The following TUG1 variants were observed in gnomAD, a reference collection of about 807,000 sequenced individuals.
The protein encoded by TUG1 is taurine upregulated gene 1.
intron 2 of TUG1, chr22:30,974,396 A>T (rs1306292526): frequency 6.6e-6 from 1 of 151,534 alleles, no homozygotes; most frequent in African/African-American, 2.4e-5. Flanking sequence ...TTGCTGTTTA[A>T]CCCTTTGTGT....
In TUG1 at chr22:30,969,653, C is replaced by G. The variant is rs903521733; in HGVS notation, c.297C>G (p.Ala99=). 2.0e-4 allele frequency: 30 copies of G among 152,032 alleles called. 1 individual carries two copies. In the South Asian group the frequency reaches 2.0e-3, roughly 10 times the overall value. The allele number at this position is 152,032 out of a possible 1,614,324, so 9.4% of individuals were successfully genotyped here. ...CGGGGGAGGCGGCGGCGGCAGCGGC[C>G]GCGGGATTTGGAGCGGCCGGGGAGG... Residue 99 remains alanine (A), a synonymous_variant, in exon 1 of 3, where the codon GCC becomes GCG. Transcript: ENST00000644773.
At chr22:30,976,673 C>G (rs190687024) in exon 3 of TUG1, 3 of 152,294 alleles carry the variant, frequency 2.0e-5, no homozygotes, top group East Asian at 3.9e-4. Flanking sequence ...AACTCTCAGA[C>G]CAGATCATGT....
exon 3 of TUG1, chr22:30,977,476 T>C (rs2041302420): frequency 1.3e-5 from 2 of 152,256 alleles, no homozygotes; most frequent in African/African-American, 4.8e-5. Context: ...CTGAAAGTTC[T>C]TTGGCAGATG....
At chr22:30,975,259 A>T (rs966046469) in exon 3 of TUG1, 1 of 152,230 alleles carries the variant, frequency 6.6e-6, no homozygotes, top group Non-Finnish European at 1.5e-5. Context: ...GCAGAAGCCC[A>T]GAGTAAAAGT....
At chr22:30,971,715 AAGACCTG>A (rs778203510) in exon 1 of TUG1, 7 of 153,104 alleles carry the variant, frequency 4.6e-5, no homozygotes, top group Non-Finnish European at 1.0e-4. Flanking sequence ...TGGGAATTAG[AAGACCTG>A]AGTTTCTGTC....
intron 2 of TUG1, chr22:30,973,833 T>C (rs1038922001): frequency 6.6e-6 from 1 of 152,162 alleles, no homozygotes; most frequent in African/African-American, 2.4e-5. Context: ...TTACCCACAG[T>C]GTTAAAATGG....
exon 1 of TUG1, chr22:30,971,574 C>T (rs1002872141): frequency 3.9e-5 from 6 of 152,724 alleles, no homozygotes; most frequent in Admixed American, 2.0e-4. Flanking sequence ...ACCTGGAACC[C>T]GAAAGAGCTT....
At chr22:30,976,121 A>T (rs1474400459) in exon 3 of TUG1, 1 of 150,928 alleles carries the variant, frequency 6.6e-6, no homozygotes, top group African/African-American at 2.5e-5. Context: ...ATATCTGCCT[A>T]TTCTCCAGAA....
exon 3 of TUG1, chr22:30,976,083 G>C (rs62238125): frequency 6.9e-6 from 1 of 144,586 alleles, no homozygotes; most frequent in Non-Finnish European, 1.5e-5. Flanking sequence ...AAAAAAAAAG[G>C]CTGAATTCTT....
At chr22:30,971,200 A>G (rs891780091) in exon 1 of TUG1, 1 of 152,224 alleles carries the variant, frequency 6.6e-6, no homozygotes, top group Non-Finnish European at 1.5e-5. Flanking sequence ...CAGTTATGCT[A>G]TTTCATTCAA....
exon 1 of TUG1, chr22:30,971,700 G>A (rs1049157752): frequency 2.6e-5 from 4 of 153,156 alleles, no homozygotes; most frequent in African/African-American, 9.6e-5. Flanking sequence ...CACCAGCACT[G>A]TTACTGGGAA....
chr22:30,975,525 C>T (rs984926165), exon 3 of TUG1: 2 of 152,164 alleles, frequency 1.3e-5, no homozygotes, highest in Non-Finnish European at 2.9e-5. Flanking sequence ...TGTGTGTGAA[C>T]TTAGAAAAGT....
intron 2 of TUG1, 74 bp downstream of exon 2, chr22:30,973,661 C>T (rs1452644280): frequency 2.0e-5 from 3 of 152,190 alleles, no homozygotes; most frequent in African/African-American, 2.4e-5. Context: ...GTACATTTAT[C>T]TCAATTATCA....
intron 2 of TUG1, chr22:30,974,015 C>T (rs1025742037): frequency 6.6e-6 from 1 of 152,134 alleles, no homozygotes; most frequent in Non-Finnish European, 1.5e-5. Flanking sequence ...AAAAACGGGA[C>T]ATGTTCTAAC....
At chr22:30,972,355 A>G (rs1433549674) in intron 1 of TUG1, 1 of 151,102 alleles carries the variant, frequency 6.6e-6, no homozygotes, top group African/African-American at 2.4e-5. Context: ...AGAAGGACCA[A>G]GACCTTATTT....
intron 1 of TUG1, 193 bp downstream of exon 1, chr22:30,971,972 C>T (rs2041236385): frequency 6.6e-6 from 1 of 152,204 alleles, no homozygotes; most frequent in East Asian, 1.9e-4. Flanking sequence ...AGTTTTATGA[C>T]ATTTCGTTAT....
At chr22:30,973,903 T>G (rs550863994) in intron 2 of TUG1, 3 of 152,270 alleles carry the variant, frequency 2.0e-5, no homozygotes, top group Middle Eastern at 3.4e-3. Context: ...CCTAGTCACA[T>G]AGGATGTGTG....
exon 3 of TUG1, chr22:30,978,911 G>A (rs971395871): frequency 6.6e-6 from 1 of 152,082 alleles, no homozygotes; most frequent in Non-Finnish European, 1.5e-5. Flanking sequence ...CCAACATTGA[G>A]ACTTGACAGA....
chr22:30,970,860 T>C (rs2041222039), exon 1 of TUG1: 1 of 152,198 alleles, frequency 6.6e-6, no homozygotes, highest in African/African-American at 2.4e-5. Context: ...GTTAACATTG[T>C]CTGAAAAGTT....
Sources: gnomAD v4.1 joint callset for allele counts on GRCh38, gnomAD v4.1.1 for gene constraint, MANE v1.5 for transcripts, NCBI Gene and HGNC (gene_info 2026-07-23, HGNC 2026-07-21) for gene names.